SPINK13: variants seen among roughly 807,000 people sequenced by gnomAD.
SPINK13 encodes serine peptidase inhibitor Kazal type 13.
SPINK13 carries 11 observed loss-of-function variants against 11.0 expected under a neutral mutation model. That is an observed-to-expected ratio of 1.00 (90% CI 0.63 to 1.65). The LOEUF (loss-of-function observed/expected upper bound fraction) is 1.65. Ranked by LOEUF, SPINK13 falls within the 40% of genes most tolerant of loss-of-function variation. The probability of loss-of-function intolerance (pLI) is 0.00; values close to 1 mark genes in which losing one functional copy is unlikely to be tolerated. For missense variants in SPINK13, 113 were observed against 117.7 expected (o/e 0.96, Z 0.19); for synonymous variants, 31 against 35.6 (o/e 0.87, Z 0.46).
At chr5:148,273,145 G>T (rs1382531439) in intron 2 of SPINK13, among the ~76,000 whole-genome samples, 1 of 151,872 alleles carries the variant, frequency 6.6e-6, no homozygotes, top group Admixed American at 6.6e-5. Context: ...AATTATATTT[G>T]CATGCATATT....
chr5:148,275,999 G>A (rs535398006), intron 3 of SPINK13, among the ~76,000 whole-genome samples: 3 of 152,272 alleles, frequency 2.0e-5, no homozygotes, highest in South Asian at 2.1e-4. Context: ...TCTAACTGGT[G>A]TGAGATGGTA....
rs928810955 is a variant in SPINK13 at position 148,285,866 on chromosome 5, AAAAG to A, written c.237-131_237-128del. 3.2e-5 allele frequency: 16 copies of A among 492,906 alleles called. No homozygotes were observed. The South Asian group carries it at 4.1e-4, about 13-fold the overall frequency. 30.5% of individuals were successfully genotyped at this position (492,906 alleles called of 1,614,324 possible). A position where few individuals can be genotyped will look rare whatever the true frequency, so the allele number is the denominator to read the frequency against. On this transcript the variant is annotated intron_variant, in intron 4 of 4. Coordinates refer to ENST00000398450, the MANE Select transcript of SPINK13 (RefSeq NM_001040129.3). ...TGGTAACAAACAAAAATGAAAAAAA[AAAAG>A]AAGGATGTAAAGGGAATTTAAAAGC...
chr5:148,278,531 A>G (rs1756465412), intron 3 of SPINK13, among the ~76,000 whole-genome samples: 1 of 152,198 alleles, frequency 6.6e-6, no homozygotes, highest in Non-Finnish European at 1.5e-5. Flanking sequence ...TTATTTACCC[A>G]GTAGCCATTC....
chr5:148,269,923 A>G (rs1041899753), intron 1 of SPINK13, 117 bp from the exon 2 acceptor site: 1 of 574,234 alleles, frequency 1.7e-6, no homozygotes, highest in Non-Finnish European at 2.9e-6. Flanking sequence ...AGACCAGGTC[A>G]GTATAAATCA....
intron 4 of SPINK13, among the ~76,000 whole-genome samples, chr5:148,282,541 TA>T (rs199999705): frequency 0.062 from 9,424 of 151,750 alleles, 967 homozygotes; most frequent in African/African-American, 0.22. Context: ...TCTAGTTATT[TA>T]AAAAAAACAC....
chr5:148,282,140 T>G lies in SPINK13; in HGVS notation c.145T>G (p.Tyr49Asp). 6.2e-7 allele frequency: 1 copy of G among 1,614,234 alleles called. No homozygotes were observed. Among genetic ancestry groups the G allele is most frequent in the Non-Finnish European group, 8.5e-7 (1 of 1,180,044 alleles). Residue 49 changes from tyrosine (Y) to aspartate (D), a missense_variant, in exon 4 of 5, where the codon TAC becomes GAC. Tyr to Asp is a radical substitution (Grantham distance 160). Coordinates refer to ENST00000398450, the MANE Select transcript of SPINK13 (RefSeq NM_001040129.3). ...AATGTATATCCCACTGGACCCTGAT[T>G]ACAATGCAGACTGCCCCAATGTGAC... The part of the protein sequence containing the change: ...CKMYIPLDPD[Y>D]NADCPNVTAP...
At chr5:148,270,003 T>G (rs1328476694) in intron 1 of SPINK13, 37 bp from the exon 2 acceptor site, 3 of 1,458,366 alleles carry the variant, frequency 2.1e-6, no homozygotes, top group Non-Finnish European at 2.9e-6. Flanking sequence ...AAGCTAGCTG[T>G]GGGGGAAACT....
intron 3 of SPINK13, among the ~76,000 whole-genome samples, chr5:148,280,660 G>C (rs1254687968): frequency 6.6e-6 from 1 of 152,160 alleles, no homozygotes; most frequent in African/African-American, 2.4e-5. Context: ...TGGAAACTTT[G>C]TCCCAGAGCG....
intron 2 of SPINK13, among the ~76,000 whole-genome samples, chr5:148,273,248 T>C (rs138864345): frequency 8.9e-4 from 135 of 152,140 alleles, no homozygotes; most frequent in Non-Finnish European, 1.4e-3. Context: ...TCTTTTTAGA[T>C]TGTATATGTT....
intron 4 of SPINK13, among the ~76,000 whole-genome samples, chr5:148,284,427 C>CTAAGAATAA (rs1756562335): frequency 1.3e-5 from 2 of 152,114 alleles, no homozygotes; most frequent in Non-Finnish European, 2.9e-5. Context: ...AAATGAAGAG[C>CTAAGAATAA]CCTGCTGGTT....
At chr5:148,272,465 T>G (rs1439272026) in intron 2 of SPINK13, among the ~76,000 whole-genome samples, 1 of 152,226 alleles carries the variant, frequency 6.6e-6, no homozygotes, top group Non-Finnish European at 1.5e-5. Context: ...TTTAGTATGG[T>G]TTGTGGAAAG....
chr5:148,273,627 C>T (rs904875444), intron 2 of SPINK13, among the ~76,000 whole-genome samples: 1 of 152,046 alleles, frequency 6.6e-6, no homozygotes, highest in Admixed American at 6.6e-5. Context: ...ACCTATTCCT[C>T]GAAAGGTTAG....
intron 1 of SPINK13, among the ~76,000 whole-genome samples, chr5:148,269,742 T>G (rs997484360): frequency 6.6e-6 from 1 of 152,196 alleles, no homozygotes; most frequent in Non-Finnish European, 1.5e-5. Context: ...GGTGAACCTA[T>G]GTATAGGTAA....
At chr5:148,285,577 C>A (rs530082543) in intron 4 of SPINK13, among the ~76,000 whole-genome samples, 1 of 151,884 alleles carries the variant, frequency 6.6e-6, no homozygotes, top group African/African-American at 2.4e-5. Context: ...AACATAAATA[C>A]CCAAGTAAGG....
At chr5:148,270,779 CA>C in intron 2 of SPINK13, 1 of 152,252 alleles carries the variant, frequency 6.6e-6, no homozygotes, top group African/African-American at 2.4e-5. Context: ...ACAATATAAT[CA>C]CAAGGATTCT....
chr5:148,280,186 A>C (rs189924916), intron 3 of SPINK13, among the ~76,000 whole-genome samples: 27 of 152,108 alleles, frequency 1.8e-4, no homozygotes, highest in Admixed American at 1.2e-3. Context: ...AGTTCCTGTA[A>C]CCTTTTATCA....
rs537147212 is a variant in SPINK13 at position 148,271,091 on chromosome 5, T to C, written c.70+949T>C. Among the ~76,000 whole-genome samples, 25 of 152,300 alleles carry C rather than the reference T, an allele frequency of 1.6e-4. No individual in the cohort carries two copies. In the Middle Eastern group the frequency reaches 0.014, roughly 83 times the overall value. ...GAAAATAGTACACCTGCAAATAAATTACAGATTAGTAAAGCAGACACTATA... is the reference window on the plus strand; with the variant it reads ...GAAAATAGTACACCTGCAAATAAATCACAGATTAGTAAAGCAGACACTATA... On this transcript the variant is annotated intron_variant, in intron 2 of 4. Coordinates refer to ENST00000398450, the MANE Select transcript of SPINK13 (RefSeq NM_001040129.3).
At chr5:148,281,054 G>A (rs1045742849) in intron 3 of SPINK13, among the ~76,000 whole-genome samples, 5 of 152,122 alleles carry the variant, frequency 3.3e-5, no homozygotes, top group African/African-American at 1.2e-4. Context: ...CCACCCAGTC[G>A]GAACTTCCCA....
At chr5:148,283,475 C>T (rs897768550) in intron 4 of SPINK13, among the ~76,000 whole-genome samples, 3 of 152,172 alleles carry the variant, frequency 2.0e-5, no homozygotes, top group African/African-American at 7.2e-5. Context: ...GCCTGCTGAG[C>T]CAACTCTTCT....
Sources: gnomAD v4.1 joint callset for allele counts (sites outside exome capture counted in the v4.1 genomes callset) on GRCh38, gnomAD v4.1.1 for gene constraint, MANE v1.5 for transcripts, NCBI Gene and HGNC (gene_info 2026-07-23, HGNC 2026-07-21) for gene names.